NFASC: variants seen among roughly 807,000 people sequenced by gnomAD.
NFASC encodes neurofascin homolog.
NFASC carries 43 observed loss-of-function variants against 147.5 expected under a neutral mutation model. The observed-to-expected ratio is 0.29, with a 90% confidence interval of 0.23 to 0.38. The LOEUF (loss-of-function observed/expected upper bound fraction) is 0.38, where lower values mean the gene tolerates loss of function less well. Ranked by LOEUF, NFASC falls within the 10% of genes least tolerant of loss-of-function variation. The probability of loss-of-function intolerance (pLI) is 1.00; values close to 1 mark genes in which losing one functional copy is unlikely to be tolerated. For synonymous variants in NFASC, 622 were observed against 665.5 expected, an observed-to-expected ratio of 0.93 and a Z score of 1.01; for missense variants, 1,320 against 1,689.0, an observed-to-expected ratio of 0.78 and a Z score of 3.83.
intron 2 of NFASC, among the ~76,000 whole-genome samples, chr1:204,921,243 C>T (rs751983155): frequency 2.6e-4 from 39 of 152,176 alleles, no homozygotes; most frequent in Non-Finnish European, 4.7e-4. Context: ...CAGGGTCTGC[C>T]TTGTTCCATT....
At chr1:204,866,117 G>A (rs2077084903) in intron 1 of NFASC, among the ~76,000 whole-genome samples, 1 of 152,160 alleles carries the variant, frequency 6.6e-6, no homozygotes, top group Non-Finnish European at 1.5e-5. Context: ...CCTAGCACTG[G>A]GTCTTGGAGA....
intron 2 of NFASC, among the ~76,000 whole-genome samples, chr1:204,932,594 G>A (rs2092461238): frequency 6.6e-6 from 1 of 152,154 alleles, no homozygotes; most frequent in Admixed American, 6.5e-5. Context: ...TCTGGGCCAG[G>A]TCCAGACCAA....
At chr1:204,884,290 A>G (rs764845100) in intron 1 of NFASC, among the ~76,000 whole-genome samples, 17 of 152,090 alleles carry the variant, frequency 1.1e-4, no homozygotes, top group Middle Eastern at 3.2e-3. Flanking sequence ...AAGGAGGTCT[A>G]TGCCACTCAA....
Position 204,968,740 on chromosome 1 carries a change from G to A in NFASC, c.819-58G>A. 6.5e-7 allele frequency: 1 copy of A among 1,526,740 alleles called. No homozygotes were observed. The allele number at this position is 1,526,740 out of a possible 1,614,324, so 94.6% of individuals were successfully genotyped here. A position where few individuals can be genotyped will look rare whatever the true frequency, so the allele number is the denominator to read the frequency against. On this transcript the variant is annotated intron_variant, in intron 9 of 29. Transcript: ENST00000339876. This position sits in a 1 kb window ranked among gnomAD's most constrained non-coding sequence, Gnocchi z 5.4. ...CCACCTGGGTGTCCCCAGCTGTATA[G>A]AAGAGGAGAAAGGCCACGTTTAGTG...
At chr1:204,889,567 C>A (rs560292145) in intron 1 of NFASC, among the ~76,000 whole-genome samples, 1 of 152,206 alleles carries the variant, frequency 6.6e-6, no homozygotes, top group African/African-American at 2.4e-5. Context: ...AATAGTCTTA[C>A]GGTGTTCACT....
At position 204,954,189 on chromosome 1, in the gene NFASC, T is replaced by G; in HGVS notation, c.217T>G (p.Phe73Val). 3 of 1,614,072 alleles carry G rather than the reference T, an allele frequency of 1.9e-6. No homozygotes were observed. Among genetic ancestry groups the G allele is most frequent in the Non-Finnish European group, 2.5e-6 (3 of 1,179,970 alleles). ...CEAKGNPAPS[F>V]HWTRNSRFFN... is the part of the protein sequence containing the mutation. The stretch of plus-strand genomic sequence containing the variant: ...GCCACTGCTCCCCACTCTCCACAGC[T>G]TCCACTGGACACGAAACAGCAGATT... The change falls in exon 6 of 30, where the codon TTC becomes GTC. Residue 73 changes from phenylalanine (F) to valine (V), a missense_variant and splice_region_variant. Phe to Val is a conservative substitution (Grantham distance 50). Around this residue, in one of 3 missense-constraint regions of NFASC, gnomAD observed 981 missense variants for 1,289.5 expected, o/e 0.76. Coordinates refer to ENST00000339876, the MANE Select transcript of NFASC (RefSeq NM_001005388.3). This position sits in a 1 kb window ranked among gnomAD's most constrained non-coding sequence, Gnocchi z 5.7.
In NFASC at chr1:204,923,335, C is replaced by T. The variant is rs562496272; in HGVS notation, c.-91+2595C>T. On this transcript the variant is annotated intron_variant, in intron 2 of 29. Coordinates refer to ENST00000339876, the MANE Select transcript of NFASC (RefSeq NM_001005388.3). ...TGCTCCTGAGCCGCCCCTCCCTCCT[C>T]CTCCCACTCCAGCATGCAGCACCCT... Among the ~76,000 whole-genome samples the T allele has an allele frequency of 4.6e-5, 7 of 152,212 alleles. No homozygotes were observed. The South Asian group carries it at 8.3e-4, about 18-fold the overall frequency.
At chr1:204,922,274 T>A (rs931899053) in intron 2 of NFASC, among the ~76,000 whole-genome samples, 7 of 152,020 alleles carry the variant, frequency 4.6e-5, no homozygotes, top group Admixed American at 4.6e-4. Context: ...CCTGACCAGA[T>A]CCCCACCTAA....
chr1:205,012,760 C>A, intron 28 of NFASC, 37 bp from the exon 29 acceptor site: 1 of 1,499,854 alleles, frequency 6.7e-7, no homozygotes, highest in Non-Finnish European at 9.3e-7. Context: ...TGTACTTAAT[C>A]GTCGTGTCTG....
Position 204,867,853 on chromosome 1 carries a change from G to A in NFASC, c.-200+39071G>A, listed in dbSNP as rs2077241388. The stretch of plus-strand genomic sequence containing the variant: ...CCGACTCAGCCCATGGCTGCCTGGT[G>A]GCACCTCACACCCTCCTCCAAGGCT... On this transcript the variant is annotated intron_variant, in intron 1 of 29. Coordinates refer to ENST00000339876, the MANE Select transcript of NFASC (RefSeq NM_001005388.3). 2.6e-5 allele frequency among the ~76,000 whole-genome samples: 4 copies of A among 152,174 alleles called. No homozygotes were observed. In the South Asian group the frequency reaches 6.2e-4, roughly 24 times the overall value.
chr1:204,945,799 A>G (rs898561637), intron 3 of NFASC, among the ~76,000 whole-genome samples: 3 of 152,210 alleles, frequency 2.0e-5, no homozygotes, highest in African/African-American at 7.2e-5. Flanking sequence ...CCAGGCAGAC[A>G]GTCTAATAAG....
intron 1 of NFASC, among the ~76,000 whole-genome samples, chr1:204,898,238 A>G (rs905594519): frequency 6.6e-6 from 1 of 152,214 alleles, no homozygotes; most frequent in Non-Finnish European, 1.5e-5. Flanking sequence ...CAAAATATAC[A>G]GCTGATAAAA....
intron 8 of NFASC, chr1:204,962,041 T>TC: frequency 8.0e-7 from 1 of 1,250,378 alleles, no homozygotes; most frequent in Non-Finnish European, 1.2e-6. Context: ...TTGTTTTCTC[T>TC]CCCCGTTTAT....
Position 205,018,518 on chromosome 1 carries a change from A to G in NFASC, c.*1979A>G, listed in dbSNP as rs2096378853. On this transcript the variant is annotated 3_prime_UTR_variant, in exon 30 of 30. Coordinates refer to ENST00000339876, the MANE Select transcript of NFASC (RefSeq NM_001005388.3). ...AGAGTGTGTAATGGTCATTTGGGCC[A>G]AGCCTCAGCTAGGGCTGCTGCCTGG... 1 of 152,710 alleles carries G rather than the reference A, an allele frequency of 6.5e-6. No homozygotes were observed. The allele number at this position is 152,710 out of a possible 1,614,324, so 9.5% of individuals were successfully genotyped here. A position where few individuals can be genotyped will look rare whatever the true frequency, so the allele number is the denominator to read the frequency against.
chr1:204,965,722 C>G (rs1019181030), intron 8 of NFASC, among the ~76,000 whole-genome samples: 3 of 152,156 alleles, frequency 2.0e-5, no homozygotes, highest in African/African-American at 7.2e-5. Context: ...CCTCTTTTGC[C>G]CTTGCATTTT....
intron 1 of NFASC, among the ~76,000 whole-genome samples, chr1:204,876,812 T>A (rs903712163): frequency 9.9e-5 from 15 of 151,706 alleles, no homozygotes; most frequent in Admixed American, 5.9e-4. Context: ...AATATTCTAT[T>A]GTATGTGTTG....
At chr1:204,885,043 C>T (rs763618488) in intron 1 of NFASC, among the ~76,000 whole-genome samples, 1 of 152,022 alleles carries the variant, frequency 6.6e-6, no homozygotes, top group South Asian at 2.1e-4. Flanking sequence ...AGGAGAATCA[C>T]GTGAGACCAA....
intron 11 of NFASC, among the ~76,000 whole-genome samples, chr1:204,972,392 A>G (rs569986342): frequency 6.6e-6 from 1 of 152,026 alleles, no homozygotes; most frequent in African/African-American, 2.4e-5. Context: ...TTGTTCTCTT[A>G]TCTTAGCCTT....
intron 23 of NFASC, among the ~76,000 whole-genome samples, chr1:204,990,838 C>G (rs2095714924): frequency 6.6e-6 from 1 of 152,200 alleles, no homozygotes; most frequent in Non-Finnish European, 1.5e-5. Flanking sequence ...AGTTGGTGTC[C>G]TCCCACACCA....
Sources: gnomAD v4.1 joint callset for allele counts (sites outside exome capture counted in the v4.1 genomes callset) on GRCh38, gnomAD v4.1.1 for gene constraint, gnomAD v4.1.1 regional missense constraint, Gnocchi (gnomAD v3.1) non-coding constraint, MANE v1.5 for transcripts, NCBI Gene and HGNC (gene_info 2026-07-23, HGNC 2026-07-21) for gene names.